Variants in ANKFN1 observed in about 807,000 individuals in gnomAD.
The protein encoded by ANKFN1 is ankyrin repeat and fibronectin type III domain containing 1, also known as ankyrin repeat and fibronectin type-III domain-containing protein 1.
ANKFN1 carries 74 observed loss-of-function variants against 108.7 expected under a neutral mutation model. That is an observed-to-expected ratio of 0.68 (90% CI 0.56 to 0.83). The LOEUF (loss-of-function observed/expected upper bound fraction) is 0.83. ANKFN1 is among the 40% of genes least tolerant of loss of function. The pLI is 0.00. For missense variants in ANKFN1, 1,505 were observed against 1,382.3 expected (o/e 1.09, Z -1.41); for synonymous variants, 547 against 516.2 (o/e 1.06, Z -0.81).
intron 8 of ANKFN1, among the ~76,000 whole-genome samples, chr17:56,382,045 G>A (rs150462112): frequency 0.023 from 3,528 of 152,232 alleles, 60 homozygotes; most frequent in Middle Eastern, 0.095. Flanking sequence ...AGAAAGGTCG[G>A]GTTACCCACA....
chr17:56,476,232 C>T (rs1265223137), intron 15 of ANKFN1, among the ~76,000 whole-genome samples: 1 of 152,164 alleles, frequency 6.6e-6, no homozygotes, highest in Non-Finnish European at 1.5e-5. Flanking sequence ...ACTCGTCACT[C>T]CTAACTTTGT....
chr17:56,055,576 T>C lies in ANKFN1; in HGVS notation c.288+9251T>C, dbSNP rs186716735. ...TGTGTGGTATATATACATATATATA[T>C]ATATATATATATGTATATATACACA... On this transcript the variant is annotated intron_variant, in intron 4 of 12. Coordinates refer to the ANKFN1 transcript ENST00000635860. 3.4e-4 allele frequency among the ~76,000 whole-genome samples: 35 copies of C among 101,796 alleles called. 3 individuals carry two copies. The highest frequency in any genetic ancestry group is 2.1e-3 in the African/African-American group (33 of 15,414). 66.8% of individuals were successfully genotyped at this position (101,796 alleles called of 152,430 possible).
At chr17:56,187,999 G>A (rs931867676) in intron 1 of ANKFN1, among the ~76,000 whole-genome samples, 2 of 152,130 alleles carry the variant, frequency 1.3e-5, no homozygotes, top group African/African-American at 4.8e-5. Context: ...GTTAACGGGT[G>A]CAGCACACAA....
chr17:56,393,190 T>G (rs941851100), intron 8 of ANKFN1, among the ~76,000 whole-genome samples: 5 of 152,342 alleles, frequency 3.3e-5, no homozygotes, highest in Non-Finnish European at 5.9e-5. Context: ...TTTGGCCATT[T>G]GTATACAATA....
intron 3 of ANKFN1, among the ~76,000 whole-genome samples, chr17:56,271,214 G>T (rs1567876169): frequency 6.6e-6 from 1 of 151,996 alleles, no homozygotes; most frequent in Non-Finnish European, 1.5e-5. Context: ...TTGCCATGTT[G>T]CCCAGGCTGG....
chr17:56,057,398 G>A (rs533905307), intron 4 of ANKFN1, among the ~76,000 whole-genome samples: 15 of 152,172 alleles, frequency 9.9e-5, no homozygotes, highest in African/African-American at 2.2e-4. Context: ...CATCAGCAGC[G>A]ATATACTTAA....
At position 56,145,308 on chromosome 17, in the gene ANKFN1, G is replaced by A. The variant is rs185119466; in HGVS notation, c.289-82609G>A. Among the ~76,000 whole-genome samples the A allele has an allele frequency of 1.2e-4, 18 of 152,244 alleles. No individual in the cohort carries two copies. In the East Asian group the frequency reaches 3.5e-3, roughly 29 times the overall value. On this transcript the variant is annotated intron_variant, in intron 4 of 12. Transcript: ENST00000635860. Reference sequence around the variant, plus strand: ...CAGAAAAATAGAATGTTTTTTGCTAGCAGATGTGTAAAACCTGTAGTATTA... The same window carrying A: ...CAGAAAAATAGAATGTTTTTTGCTAACAGATGTGTAAAACCTGTAGTATTA...
chr17:56,073,409 C>T (rs1279465490), intron 4 of ANKFN1, among the ~76,000 whole-genome samples: 5 of 152,210 alleles, frequency 3.3e-5, no homozygotes, highest in Non-Finnish European at 5.9e-5. Flanking sequence ...TAGCATGTTA[C>T]TTTTCGTGCT....
rs539392424 is a variant in ANKFN1 at position 56,180,315 on chromosome 17, G to A, written c.-71+26785G>A. ...TCTATCTGTTGCTAGGCGTGTCAGC[G>A]TGTCTGTGGTCCTCATCCATGTTTA... On this transcript the variant is annotated intron_variant, in intron 1 of 20. Coordinates refer to ENST00000682825, the MANE Select transcript of ANKFN1 (RefSeq NM_001370326.1). Among the ~76,000 whole-genome samples the A allele has an allele frequency of 1.2e-4, 19 of 152,278 alleles. No homozygotes were observed. The South Asian group carries it at 2.9e-3, about 23-fold the overall frequency.
At chr17:56,152,366 G>C (rs1380496206), upstream of ANKFN1, among the ~76,000 whole-genome samples, 1 of 151,258 alleles carries the variant, frequency 6.6e-6, no homozygotes, top group Non-Finnish European at 1.5e-5. Flanking sequence ...GTTAAGCCCA[G>C]ATCACCTGCA....
At chr17:56,480,569 C>A in intron 16 of ANKFN1, 99 bp from the exon 17 acceptor site, 1 of 1,251,298 alleles carries the variant, frequency 8.0e-7, no homozygotes, top group Non-Finnish European at 1.1e-6. Flanking sequence ...AACCACCAAG[C>A]ATTGGTTATC....
chr17:56,070,394 A>G (rs923389913), intron 4 of ANKFN1, among the ~76,000 whole-genome samples: 1 of 152,026 alleles, frequency 6.6e-6, no homozygotes, highest in Admixed American at 6.5e-5. Context: ...CCTTTCCCCT[A>G]TGTGTCTCCC....
intron 3 of ANKFN1, among the ~76,000 whole-genome samples, chr17:56,265,001 T>C (rs1479504573): frequency 6.6e-6 from 1 of 152,116 alleles, no homozygotes; most frequent in Admixed American, 6.5e-5. Context: ...ATCTAAATTA[T>C]ACCCACTCTG....
intron 8 of ANKFN1, among the ~76,000 whole-genome samples, chr17:56,392,330 A>C (rs761530936): frequency 2.6e-5 from 4 of 152,180 alleles, no homozygotes; most frequent in Non-Finnish European, 4.4e-5. Flanking sequence ...AAATGCATGA[A>C]TTGGTCTCTG....
intron 3 of ANKFN1, among the ~76,000 whole-genome samples, chr17:56,248,819 A>C (rs1419789042): frequency 1.3e-5 from 2 of 152,214 alleles, no homozygotes; most frequent in African/African-American, 4.8e-5. Flanking sequence ...ATGAAAGTAC[A>C]TGTGGTTTAT....
rs1910919934 is a variant in ANKFN1, at chr17:56,174,201, A to T, written c.-71+20671A>T. 6 of 985,552 alleles carry T rather than the reference A, an allele frequency of 6.1e-6. No individual in the cohort carries two copies. In the African/African-American group the frequency reaches 7.0e-5, roughly 11 times the overall value. The allele number at this position is 985,552 out of a possible 1,614,324, so 61.1% of individuals were successfully genotyped here. On this transcript the variant is annotated intron_variant, in intron 1 of 20. Transcript: ENST00000682825. ...TTTCCTGGGCTGGCCACAGAGCCAG[A>T]TGCCTGCAGGGTTCTCTCTTTGCCA...
chr17:56,337,916 A>G (rs142443817), intron 4 of ANKFN1, among the ~76,000 whole-genome samples: 326 of 152,238 alleles, frequency 2.1e-3, no homozygotes, highest in African/African-American at 7.5e-3. Flanking sequence ...AGGATCTAGA[A>G]CTAGAAATAC....
At chr17:56,361,849 A>C (rs1410561080) in intron 6 of ANKFN1, among the ~76,000 whole-genome samples, 1 of 152,156 alleles carries the variant, frequency 6.6e-6, no homozygotes, top group East Asian at 1.9e-4. Context: ...CTACTCTATG[A>C]CATGGCAGTT....
At chr17:56,321,485 GA>G (rs199554752) in intron 3 of ANKFN1, among the ~76,000 whole-genome samples, 1 of 150,240 alleles carries the variant, frequency 6.7e-6, no homozygotes, top group East Asian at 2.0e-4. Context: ...AATCTTCGCT[GA>G]AAAAAAAGTG....
Sources: gnomAD v4.1 joint callset for allele counts (sites outside exome capture counted in the v4.1 genomes callset) on GRCh38, gnomAD v4.1.1 for gene constraint, MANE v1.5 for transcripts, NCBI Gene and HGNC (gene_info 2026-07-23, HGNC 2026-07-21) for gene names.